GALNT14: variants seen among roughly 807,000 people sequenced by gnomAD.
GALNT14 encodes UDP-GalNAc:polypeptide N-acetylgalactosaminyltransferase 14.
In GALNT14, 60 loss-of-function variants were observed where a neutral mutation model predicts 77.5. The observed-to-expected ratio is 0.77, with a 90% CI of 0.63 to 0.96. The LOEUF (loss-of-function observed/expected upper bound fraction) is 0.96. Among genes scored for constraint, GALNT14 ranks in the 40% least tolerant of loss-of-function variants. GALNT14 has a pLI of 0.00. For synonymous variants in GALNT14, 280 were observed against 281.7 expected, an observed-to-expected ratio of 0.99 and a Z score of 0.06; for missense variants, 710 against 731.0, an observed-to-expected ratio of 0.97 and a Z score of 0.33.
chr2:31,050,771 TTTG>T (rs1433974311), intron 1 of GALNT14, among the ~76,000 whole-genome samples: 23 of 42,008 alleles, frequency 5.5e-4, no homozygotes, highest in African/African-American at 1.4e-3. Flanking sequence ...CAAAAAGTTT[TTTG>T]TTTTTTTTTT....
At chr2:31,038,098 T>A (rs1244718611) in intron 1 of GALNT14, among the ~76,000 whole-genome samples, 3,829 of 83,016 alleles carry the variant, frequency 0.046, 209 homozygotes, top group Non-Finnish European at 0.062. Context: ...TTTTTTTTTT[T>A]TTTTTTTTTT....
intron 12 of GALNT14, 122 bp from the exon 13 acceptor site, chr2:30,924,385 A>C: frequency 9.5e-7 from 1 of 1,053,468 alleles, no homozygotes; most frequent in Non-Finnish European, 1.4e-6. Context: ...AAATATCTGC[A>C]CTGCTCGGGG....
In GALNT14 at chr2:30,939,572, G is replaced by A. The variant is rs969453222; in HGVS notation, c.931+2629C>T. 4.6e-5 allele frequency among the ~76,000 whole-genome samples: 7 copies of A among 152,094 alleles called. 1 individual carries two copies. The South Asian group carries it at 1.0e-3, about 23-fold the overall frequency. On this transcript the variant is annotated intron_variant, in intron 9 of 14. Transcript: ENST00000349752. ...GGGAGCCACTGAGAATGCCAGGCCC[G>A]GAAGGGGTGGGGAGGTTTGCATTTC...
the GALNT14 span, among the ~76,000 whole-genome samples, chr2:30,901,014 T>C: frequency 6.6e-6 from 1 of 152,176 alleles, no homozygotes; most frequent in East Asian, 1.9e-4. Flanking sequence ...AAATCCAAGC[T>C]TGTGCCAAGT....
At chr2:31,112,357 T>G (rs1407171313) in intron 1 of GALNT14, among the ~76,000 whole-genome samples, 1 of 152,224 alleles carries the variant, frequency 6.6e-6, no homozygotes, top group Non-Finnish European at 1.5e-5. Flanking sequence ...ACTGACCTCG[T>G]ATTCATAGAC....
intron 13 of GALNT14, among the ~76,000 whole-genome samples, chr2:30,918,134 G>C (rs1024485471): frequency 2.6e-5 from 4 of 152,150 alleles, no homozygotes; most frequent in Non-Finnish European, 4.4e-5. Context: ...TGGAAACTTT[G>C]ATGAACCCAC....
intron 1 of GALNT14, among the ~76,000 whole-genome samples, chr2:31,020,915 C>T (rs978559658): frequency 2.0e-5 from 3 of 152,188 alleles, no homozygotes; most frequent in African/African-American, 7.2e-5. Flanking sequence ...ATGCTTATTA[C>T]GCCTCTCCAG....
chr2:31,074,911 C>G (rs1478192652), intron 1 of GALNT14, among the ~76,000 whole-genome samples: 2 of 152,156 alleles, frequency 1.3e-5, no homozygotes, highest in African/African-American at 4.8e-5. Flanking sequence ...GCAACAGGAT[C>G]TAGGATGTGA....
intron 1 of GALNT14, among the ~76,000 whole-genome samples, chr2:31,061,455 G>A (rs1029281639): frequency 6.6e-5 from 10 of 152,058 alleles, no homozygotes; most frequent in African/African-American, 2.4e-4. Flanking sequence ...AAAGACAACT[G>A]AGCCCCCTTT....
At chr2:30,899,037 C>T in the GALNT14 span, among the ~76,000 whole-genome samples, 1 of 151,980 alleles carries the variant, frequency 6.6e-6, no homozygotes, top group African/African-American at 2.4e-5. Context: ...AAGGCCAAGC[C>T]GAGCTCTGTT....
At chr2:31,133,666 T>A (rs1679090145) in intron 1 of GALNT14, among the ~76,000 whole-genome samples, 1 of 152,254 alleles carries the variant, frequency 6.6e-6, no homozygotes, top group South Asian at 2.1e-4. Flanking sequence ...CTGATATTTT[T>A]AAAATTTTAG....
At chr2:31,074,216 C>T (rs1166803840) in intron 1 of GALNT14, among the ~76,000 whole-genome samples, 1 of 152,114 alleles carries the variant, frequency 6.6e-6, no homozygotes, top group Non-Finnish European at 1.5e-5. Context: ...AAGCACACGG[C>T]CTGCAGAGTC....
chr2:30,900,508 G>A, the GALNT14 span, among the ~76,000 whole-genome samples: 1 of 152,114 alleles, frequency 6.6e-6, no homozygotes, highest in Non-Finnish European at 1.5e-5. Context: ...AAGAATCACA[G>A]GCTTATTCTC....
Position 30,969,616 on chromosome 2 carries a change from G to T in GALNT14, c.300-3314C>A, listed in dbSNP as rs78105881. 3.5e-4 allele frequency among the ~76,000 whole-genome samples: 53 copies of T among 152,288 alleles called. 2 individuals are homozygous for T. The East Asian group carries it at 7.2e-3, about 21-fold the overall frequency. On this transcript the variant is annotated intron_variant, in intron 2 of 14. Transcript: ENST00000349752. Reference sequence around the variant, plus strand: ...TGGCTTCGTGGAGGAGGAGCTGCTGGATCTCATGGGGGTAAAGTAGGGAGG... The same window carrying T: ...TGGCTTCGTGGAGGAGGAGCTGCTGTATCTCATGGGGGTAAAGTAGGGAGG...
intron 1 of GALNT14, among the ~76,000 whole-genome samples, chr2:31,060,519 T>C (rs1674525249): frequency 6.6e-6 from 1 of 152,300 alleles, no homozygotes; most frequent in South Asian, 2.1e-4. Flanking sequence ...TCACAGACCA[T>C]GGGGAACCTG....
Position 30,953,959 on chromosome 2 carries a change from G to T in GALNT14, c.654+1659C>A, listed in dbSNP as rs542978440. Among the ~76,000 whole-genome samples the T allele has an allele frequency of 2.4e-3, 363 of 152,312 alleles. 1 individual carries two copies. Among genetic ancestry groups the T allele is most frequent in the African/African-American group, 8.4e-3 (348 of 41,566 alleles). On this transcript the variant is annotated intron_variant, in intron 6 of 14. Transcript: ENST00000349752. ...GGCAGGGTGGCCACAAGGAGTCATT[G>T]GTGCCCCCACTGGATTTGTAAGCTA...
chr2:31,053,570 G>C (rs936334964), intron 1 of GALNT14, among the ~76,000 whole-genome samples: 2 of 152,064 alleles, frequency 1.3e-5, no homozygotes, highest in African/African-American at 4.8e-5. Flanking sequence ...ATGCAACCAG[G>C]GACCATGCCA....
chr2:31,125,358 T>C (rs1477184117), intron 1 of GALNT14: 3 of 836,448 alleles, frequency 3.6e-6, no homozygotes, highest in South Asian at 3.0e-5. Flanking sequence ...TCTGTGCCCA[T>C]AGGAAAGATC....
At chr2:30,901,836 G>C in the GALNT14 span, among the ~76,000 whole-genome samples, 1 of 152,244 alleles carries the variant, frequency 6.6e-6, no homozygotes, top group African/African-American at 2.4e-5. Context: ...TTCCTCACCT[G>C]GCAGGATGGT....
Sources: gnomAD v4.1 joint callset for allele counts (sites outside exome capture counted in the v4.1 genomes callset) on GRCh38, gnomAD v4.1.1 for gene constraint, MANE v1.5 for transcripts, NCBI Gene and HGNC (gene_info 2026-07-23, HGNC 2026-07-21) for gene names.